Variants in EIF2S3 observed in about 807,000 individuals in gnomAD.
EIF2S3 encodes the protein eukaryotic translation initiation factor 2 subunit 3.
EIF2S3 carries 2 observed loss-of-function variants against 31.7 expected under a neutral mutation model. The observed-to-expected ratio is 0.06, with a 90% confidence interval of 0.03 to 0.20. The LOEUF is 0.20. EIF2S3 is among the 10% of genes least tolerant of loss of function. The pLI is 1.00. For synonymous variants in EIF2S3, 120 were observed against 126.7 expected (o/e 0.95, Z 0.36); for missense variants, 96 against 359.3 (o/e 0.27, Z 5.92).
intron 8 of EIF2S3, among the ~76,000 whole-genome samples, chrX:24,067,728 C>T (rs1205676600): frequency 1.8e-5 from 2 of 108,519 alleles, no homozygotes; most frequent in African/African-American, 6.7e-5. Context: ...GCAGGGATTA[C>T]AGGTGCGTGC....
At chrX:24,058,955 C>T (rs1393994600) in intron 4 of EIF2S3, among the ~76,000 whole-genome samples, 1 of 107,883 alleles carries the variant, frequency 9.3e-6, no homozygotes, top group Non-Finnish European at 1.9e-5. Context: ...GAACTCCTGG[C>T]CTCAAGTGAT....
At chrX:24,060,216 T>C (rs967373907) in intron 5 of EIF2S3, 34 bp downstream of exon 5, 1 of 1,105,094 alleles carries the variant, frequency 9.0e-7, no homozygotes, top group Non-Finnish European at 1.3e-6. Flanking sequence ...GACAAATCAA[T>C]GTGGAACAAA....
At chrX:24,055,107 T>G in intron 1 of EIF2S3, 70 bp downstream of exon 1, 1 of 1,116,141 alleles carries the variant, frequency 9.0e-7, no homozygotes, top group Non-Finnish European at 1.2e-6. Flanking sequence ...CCGGTGGTAT[T>G]GGGACTAGTC....
At chrX:24,060,004 G>A (rs1930466836) in intron 4 of EIF2S3, 84 bp from the exon 5 acceptor site, 1 of 728,576 alleles carries the variant, frequency 1.4e-6, no homozygotes, top group Non-Finnish European at 2.1e-6. Flanking sequence ...TATTTCCTAA[G>A]TTGATTTAAC....
At chrX:24,074,788 G>A (rs146917156) in intron 11 of EIF2S3, among the ~76,000 whole-genome samples, 2,596 of 105,057 alleles carry the variant, frequency 0.025, 88 homozygotes, top group African/African-American at 0.082. Flanking sequence ...ATTGTTCGAC[G>A]TTTGGCCAGT....
Position 24,066,022 on chromosome X carries a change from A to G in EIF2S3, c.797A>G (p.Lys266Arg). The change falls in exon 8 of 12, where the codon AAA (lysine) becomes AGA (arginine). Residue 266 changes from lysine (K) to arginine (R), a missense_variant. Lys to Arg is a conservative substitution (Grantham distance 26). This residue lies in a region of EIF2S3 where 30 missense variants were observed against 139.5 expected (regional missense o/e 0.22). Coordinates refer to ENST00000253039, the MANE Select transcript of EIF2S3 (RefSeq NM_001415.4). Reference protein sequence around the residue: ...LIVIRSFDVNKPGCEVDDLKG... With the variant: ...LIVIRSFDVNRPGCEVDDLKG... The stretch of plus-strand genomic sequence containing the variant: ...GTTATTAGATCTTTTGATGTCAACA[A>G]ACCTGGCTGTGAAGTTGATGACCTT... 2.5e-6 allele frequency: 3 copies of G among 1,206,258 alleles called. No individual in the cohort carries two copies. The highest frequency in any genetic ancestry group is 3.6e-5 in the South Asian group (2 of 55,820).
At chrX:24,076,352 T>C (rs1569281148) in intron 11 of EIF2S3, among the ~76,000 whole-genome samples, 1 of 110,727 alleles carries the variant, frequency 9.0e-6, no homozygotes. Context: ...GCCGACATAG[T>C]GAAACCCCAT....
rs1342276151 is a variant in EIF2S3 at position 24,077,825 on chromosome X, A to T, written c.*1040A>T. 9.0e-6 allele frequency: 1 copy of T among 111,700 alleles called. No homozygotes were observed. The highest frequency in any genetic ancestry group is 1.9e-5 in the Non-Finnish European group (1 of 53,183). The allele number at this position is 111,700 out of a possible 1,213,427, so 9.2% of individuals were successfully genotyped here. A position where few individuals can be genotyped will look rare whatever the true frequency, so the allele number is the denominator to read the frequency against. On this transcript the variant is annotated 3_prime_UTR_variant, in exon 12 of 12. Coordinates refer to ENST00000253039, the MANE Select transcript of EIF2S3 (RefSeq NM_001415.4). ...CCATGGGAAAATACTGTTATACCAA[A>T]TAATTCTAGATGAGTAACAAAGATC... is the stretch of plus-strand genomic sequence containing the variant.
At chrX:24,068,219 A>G in intron 9 of EIF2S3, 111 bp downstream of exon 9, 2 of 760,698 alleles carry the variant, frequency 2.6e-6, no homozygotes, top group East Asian at 6.8e-5. Flanking sequence ...GTATTTTAAT[A>G]ATAGAGTAGG....
At chrX:24,059,325 A>C (rs16997662) in intron 4 of EIF2S3, among the ~76,000 whole-genome samples, 2,253 of 112,274 alleles carry the variant, frequency 0.02, 60 homozygotes, top group African/African-American at 0.07. Context: ...ACTCTGAATG[A>C]ATACCATAGT....
At chrX:24,069,686 C>CTTTTTTTT (rs754589833) in intron 9 of EIF2S3, among the ~76,000 whole-genome samples, 3 of 60,986 alleles carry the variant, frequency 4.9e-5, no homozygotes, top group African/African-American at 6.9e-5. Context: ...TTTTTAATTT[C>CTTTTTTTT]TTTTTTTTTT....
At chrX:24,065,008 T>G (rs1016370197) in intron 7 of EIF2S3, among the ~76,000 whole-genome samples, 3 of 111,837 alleles carry the variant, frequency 2.7e-5, no homozygotes, top group African/African-American at 9.7e-5. Flanking sequence ...CTGGTATAAT[T>G]TGATCACCTA....
At chrX:24,055,572 C>T in intron 1 of EIF2S3, 43 bp from the exon 2 acceptor site, 1 of 1,180,541 alleles carries the variant, frequency 8.5e-7, no homozygotes, top group Non-Finnish European at 1.2e-6. Flanking sequence ...GAAAAGTTCT[C>T]ATTTGTTTTA....
At chrX:24,071,809 C>A in intron 10 of EIF2S3, 82 bp downstream of exon 10, 4 of 983,532 alleles carry the variant, frequency 4.1e-6, no homozygotes, top group Non-Finnish European at 2.7e-6. Context: ...TATTGTTTTA[C>A]AGTTAACATG....
In EIF2S3 at chrX:24,078,206, A is replaced by G. The variant is rs772939344; in HGVS notation, c.*1421A>G. Among the ~76,000 whole-genome samples the G allele has an allele frequency of 7.2e-4, 80 of 110,693 alleles. No homozygotes were observed. The highest frequency in any genetic ancestry group is 2.6e-3 in the African/African-American group (78 of 30,512). Reference sequence around the variant, plus strand: ...ATACCCGGCTAATTTTTGTATTTTTAGTAGAGATGGGGTTTCACCATGTTG... The same window carrying G: ...ATACCCGGCTAATTTTTGTATTTTTGGTAGAGATGGGGTTTCACCATGTTG... On this transcript the variant is annotated 3_prime_UTR_variant, in exon 12 of 12. Coordinates refer to ENST00000253039, the MANE Select transcript of EIF2S3 (RefSeq NM_001415.4).
chrX:24,076,801 T>G lies in EIF2S3; in HGVS notation c.*16T>G. ...TGATGACTGAAGAATACCAGTTAAA[T>G]AATACATTCGGATGGATTTGGAAGT... On this transcript the variant is annotated 3_prime_UTR_variant, in exon 12 of 12. Coordinates refer to ENST00000253039, the MANE Select transcript of EIF2S3 (RefSeq NM_001415.4). 8.4e-7 allele frequency: 1 copy of G among 1,189,966 alleles called. No individual in the cohort carries two copies. Among genetic ancestry groups the G allele is most frequent in the East Asian group, 3.0e-5 (1 of 33,316 alleles).
At position 24,077,768 on chromosome X, in the gene EIF2S3, C is replaced by T. The variant is rs1342519226; in HGVS notation, c.*983C>T. On this transcript the variant is annotated 3_prime_UTR_variant, in exon 12 of 12. Coordinates refer to ENST00000253039, the MANE Select transcript of EIF2S3 (RefSeq NM_001415.4). ...TGTGATGCCTTGAGATTTTTTTCTG[C>T]GTTGTTTAATGCCTGAAATCCAAGT... 9.0e-6 allele frequency: 1 copy of T among 111,570 alleles called. No individual in the cohort carries two copies. The highest frequency in any genetic ancestry group is 3.3e-5 in the African/African-American group (1 of 30,711). The allele number at this position is 111,570 out of a possible 1,213,427, so 9.2% of individuals were successfully genotyped here.
rs747088489 is a variant in EIF2S3 at position 24,076,924 on chromosome X, C to CTTTTTTTTTTTTTT, written c.*140_*141insTTTTTTTTTTTTTT. On this transcript the variant is annotated 3_prime_UTR_variant, in exon 12 of 12. Transcript: ENST00000253039. ...CTTAGTAGGTAACGGTAAGGTTATT[C>CTTTTTTTTTTTTTT]TCTTTTTTTTTTTTTTTTTTTTTGG... 2.8e-5 allele frequency: 3 copies of CTTTTTTTTTTTTTT among 106,659 alleles called. 1 individual carries two copies. The highest frequency in any genetic ancestry group is 9.1e-5 in the African/African-American group (1 of 10,973). The allele number at this position is 106,659 out of a possible 1,213,427, so 8.8% of individuals were successfully genotyped here.
intron 10 of EIF2S3, among the ~76,000 whole-genome samples, chrX:24,072,113 A>G (rs1176707428): frequency 4.5e-5 from 5 of 110,057 alleles, no homozygotes; most frequent in Non-Finnish European, 9.5e-5. Context: ...TCCTGACCTC[A>G]AGTGATCCGC....
Sources: allele counts gnomAD v4.1 joint callset (sites outside exome capture counted in the v4.1 genomes callset), GRCh38; gene constraint gnomAD v4.1.1; regional missense constraint gnomAD v4.1.1; transcripts MANE v1.5; gene names NCBI Gene and HGNC (gene_info 2026-07-23, HGNC 2026-07-21).